Variants in TP63 observed in about 807,000 individuals in gnomAD.
TP63 encodes the protein tumor protein p63.
A neutral mutation model predicts 82.8 loss-of-function variants in TP63; 17 were observed. That is an observed-to-expected ratio of 0.21 (90% confidence interval 0.14 to 0.31). The LOEUF is 0.31. Among genes scored for constraint, TP63 ranks in the 10% least tolerant of loss-of-function variants. TP63 has a pLI of 1.00. For synonymous variants in TP63, 330 were observed against 321.7 expected, an observed-to-expected ratio of 1.03 and a Z score of -0.28; for missense variants, 648 against 895.3, an observed-to-expected ratio of 0.72 and a Z score of 3.52.
At chr3:189,597,928 C>CAAA in the TP63 span, among the ~76,000 whole-genome samples, 1 of 130,868 alleles carries the variant, frequency 7.6e-6, no homozygotes. Flanking sequence ...GACCCTGCCT[C>CAAA]AAAAAAAAAA....
At chr3:189,691,349 AAAAAAAAAAAAG>A (rs1212671532) in intron 1 of TP63, among the ~76,000 whole-genome samples, 349 of 150,062 alleles carry the variant, frequency 2.3e-3, no homozygotes, top group African/African-American at 8.4e-3. Context: ...AAAAAAAAAA[AAAAAAAAAAAAG>A]AAAAAGAAAA....
intron 1 of TP63, among the ~76,000 whole-genome samples, chr3:189,715,128 T>G (rs1718868071): frequency 1.3e-5 from 2 of 152,106 alleles, no homozygotes; most frequent in Admixed American, 6.5e-5. Context: ...TTCTCCTCCC[T>G]TCTCCTCTCC....
intron 3 of TP63, among the ~76,000 whole-genome samples, chr3:189,748,508 C>CAA (rs58926854): frequency 0.024 from 762 of 31,106 alleles, no homozygotes; most frequent in African/African-American, 0.031. Context: ...AGGAAAACTA[C>CAA]AAAAAAAAAA....
intron 3 of TP63, among the ~76,000 whole-genome samples, chr3:189,793,704 GTTTTATGTCAACAAA>G (rs777308694): frequency 6.6e-6 from 1 of 151,878 alleles, no homozygotes; most frequent in African/African-American, 2.4e-5. Context: ...ATTTCTAATT[GTTTTATGTCAACAAA>G]TAGAATGAAT....
rs116400900 is a variant in TP63, at chr3:189,664,898, G to A, written c.62+33321G>A. Among the ~76,000 whole-genome samples the A allele has an allele frequency of 2.9e-3, 438 of 152,206 alleles. 2 individuals carry two copies. The highest frequency in any genetic ancestry group is 0.01 in the African/African-American group (420 of 41,550). ...ATCTAGCTGGTGGGGAGACAGTGTT[G>A]TATCGGAGCTAGCTTGTACCTGCTC... On this transcript the variant is annotated intron_variant, in intron 1 of 13. Coordinates refer to ENST00000264731, the MANE Select transcript of TP63 (RefSeq NM_003722.5).
At chr3:189,680,974 G>T (rs539283129) in intron 1 of TP63, among the ~76,000 whole-genome samples, 1 of 152,290 alleles carries the variant, frequency 6.6e-6, no homozygotes, top group Non-Finnish European at 1.5e-5. Flanking sequence ...CCTGGTGTTT[G>T]GGTCCACAGT....
At position 189,723,628 on chromosome 3, in the gene TP63, A is replaced by G. The variant is rs541441828; in HGVS notation, c.63-14112A>G. Among the ~76,000 whole-genome samples, 12 of 152,336 alleles carry G rather than the reference A, an allele frequency of 7.9e-5. No homozygotes were observed. In the South Asian group the frequency reaches 2.5e-3, roughly 32 times the overall value. ...AAACTAAAATTTGGTTTTTCTCTCC[A>G]TGAACCAACCAGTCAGGTAGGAACT... On this transcript the variant is annotated intron_variant, in intron 1 of 13. Coordinates refer to ENST00000264731, the MANE Select transcript of TP63 (RefSeq NM_003722.5).
intron 4 of TP63, among the ~76,000 whole-genome samples, chr3:189,843,512 T>G (rs1714445513): frequency 6.6e-6 from 1 of 152,066 alleles, no homozygotes; most frequent in Admixed American, 6.6e-5. Context: ...AAGAGCACAA[T>G]TCGTACATGT....
At chr3:189,844,203 G>C in intron 4 of TP63, 1 of 357,318 alleles carries the variant, frequency 2.8e-6, no homozygotes, top group Admixed American at 3.2e-5. Context: ...ACAGAGTCTC[G>C]CCTTGTCTCC....
chr3:189,840,374 T>C (rs1249480122), intron 4 of TP63, among the ~76,000 whole-genome samples: 36 of 147,344 alleles, frequency 2.4e-4, no homozygotes, highest in Non-Finnish European at 4.2e-4. Flanking sequence ...TTTTTTTTTT[T>C]TTTTTTTTTT....
chr3:189,846,630 GTGTGTGTGTGTGTGTCA>G (rs1031013495), intron 4 of TP63, among the ~76,000 whole-genome samples: 1 of 133,982 alleles, frequency 7.5e-6, no homozygotes, highest in Non-Finnish European at 1.6e-5. Context: ...GTGTGTGTGT[GTGTGTGTGTGTGTGTCA>G]TCAGAAAGAT....
intron 4 of TP63, 120 bp downstream of exon 4, chr3:189,808,646 T>C: frequency 1.3e-6 from 2 of 1,569,302 alleles, no homozygotes; most frequent in African/African-American, 2.7e-5. Context: ...GGAAAATTTG[T>C]CTTTGAATAT....
At chr3:189,666,245 G>A (rs1027939337) in intron 1 of TP63, among the ~76,000 whole-genome samples, 9 of 151,990 alleles carry the variant, frequency 5.9e-5, no homozygotes, top group Non-Finnish European at 1.2e-4. Context: ...GTTATAGAAA[G>A]AGCACAAAGT....
chr3:189,731,466 G>A (rs11922764), intron 1 of TP63, among the ~76,000 whole-genome samples: 6 of 152,014 alleles, frequency 3.9e-5, no homozygotes, highest in African/African-American at 1.5e-4. Flanking sequence ...TAAGCTAGAC[G>A]ACCTCTCAGG....
intron 3 of TP63, chr3:189,789,524 A>G (rs1011074319): frequency 8.1e-5 from 34 of 420,572 alleles, no homozygotes; most frequent in Non-Finnish European, 3.0e-5. Context: ...TAACTACTTA[A>G]TGAGATGGGA....
intron 1 of TP63, among the ~76,000 whole-genome samples, chr3:189,689,104 CTT>C (rs776704674): frequency 2.9e-5 from 2 of 68,278 alleles, no homozygotes; most frequent in African/African-American, 1.9e-4. Flanking sequence ...CTACCTTTTT[CTT>C]TTTTTTTTTT....
At chr3:189,836,486 T>A (rs1478063951) in intron 4 of TP63, among the ~76,000 whole-genome samples, 1 of 152,198 alleles carries the variant, frequency 6.6e-6, no homozygotes, top group Non-Finnish European at 1.5e-5. Flanking sequence ...CCTGTAGAAA[T>A]GATTACGTAG....
chr3:189,714,938 C>A (rs115835645), intron 1 of TP63, among the ~76,000 whole-genome samples: 2,315 of 152,232 alleles, frequency 0.015, 52 homozygotes, highest in African/African-American at 0.053. Flanking sequence ...GTACGTTCAG[C>A]AAACTGTTTT....
chr3:189,803,729 A>AT (rs1211400794), intron 3 of TP63, among the ~76,000 whole-genome samples: 62 of 152,272 alleles, frequency 4.1e-4, no homozygotes, highest in African/African-American at 1.4e-3. Context: ...CTACAAATAA[A>AT]TTTTCCAGGG....
Sources: allele counts gnomAD v4.1 joint callset (sites outside exome capture counted in the v4.1 genomes callset), GRCh38; gene constraint gnomAD v4.1.1; transcripts MANE v1.5; gene names NCBI Gene and HGNC (gene_info 2026-07-23, HGNC 2026-07-21).